TAGAP: variants seen among roughly 807,000 people sequenced by gnomAD.
TAGAP encodes the protein T-cell activation Rho GTPase-activating protein.
Under a neutral mutation model 36.0 loss-of-function variants are expected in TAGAP, and 16 were observed. The observed-to-expected ratio is 0.44, with a 90% CI of 0.30 to 0.68. The LOEUF is 0.68. TAGAP is among the 30% of genes least tolerant of loss of function. The pLI is 0.09. For missense variants in TAGAP, 794 were observed against 921.5 expected (o/e 0.86, Z 1.79); for synonymous variants, 372 against 377.4 (o/e 0.99, Z 0.17).
In TAGAP at chr6:159,036,989, G is replaced by A. The variant is rs1389256068; in HGVS notation, c.1034C>T (p.Ala345Val). Residue 345 changes from alanine to valine, a missense_variant, in exon 10 of 10, where the codon GCG (alanine) becomes GTG (valine). By Grantham distance (64) the Ala-to-Val change is moderately conservative. Coordinates refer to ENST00000367066, the MANE Select transcript of TAGAP (RefSeq NM_054114.5). The surrounding 1 kb of genome is among the most constrained non-coding windows in gnomAD (Gnocchi z 4.9). ...GACCTCTCGGGCATCCTGTGGGCCCGCGCTATCCAAGCCAGCAGCTGTGGC... is the reference window on the plus strand; with the variant it reads ...GACCTCTCGGGCATCCTGTGGGCCCACGCTATCCAAGCCAGCAGCTGTGGC... ...PMATAAGLDS[A>V]GPQDAREVSP... 2.5e-6 allele frequency: 4 copies of A among 1,613,594 alleles called. No homozygotes were observed. Among genetic ancestry groups the A allele is most frequent in the East Asian group, 2.2e-5 (1 of 44,860 alleles).
chr6:159,040,300 A>G (rs1779700648), intron 7 of TAGAP, among the ~76,000 whole-genome samples: 1 of 152,232 alleles, frequency 6.6e-6, no homozygotes, highest in Non-Finnish European at 1.5e-5. Flanking sequence ...GTCTGGCTGC[A>G]TCCTGAGGGA....
chr6:159,042,321 G>A, intron 4 of TAGAP, 77 bp from the exon 5 acceptor site: 5 of 1,540,752 alleles, frequency 3.2e-6, no homozygotes, highest in South Asian at 1.3e-5. Context: ...AAGAAAATGG[G>A]TATCGTTGGC....
chr6:159,044,231 T>C (rs1779857526), intron 1 of TAGAP, 27 bp from the exon 2 acceptor site: 1 of 1,492,916 alleles, frequency 6.7e-7, no homozygotes, highest in Non-Finnish European at 9.1e-7. Flanking sequence ...GGAAAGGAGT[T>C]AGGAGGGACT....
In TAGAP at chr6:159,037,909, C is replaced by T. The variant is rs1370259299; in HGVS notation, c.898+205G>A. 6.6e-6 allele frequency among the ~76,000 whole-genome samples: 1 copy of T among 152,170 alleles called. No individual in the cohort carries two copies. On this transcript the variant is annotated intron_variant, in intron 9 of 9. Coordinates refer to ENST00000367066, the MANE Select transcript of TAGAP (RefSeq NM_054114.5). This position sits in a 1 kb window ranked among gnomAD's most constrained non-coding sequence, Gnocchi z 5.1. ...GATGTACACTGGGAAGGGGGAAAGA[C>T]TATCTGTGGTCTGAGGAGGCGCTGC... is the stretch of plus-strand genomic sequence containing the variant.
In TAGAP at chr6:159,038,018, A is replaced by T. The variant is rs115774479; in HGVS notation, c.898+96T>A. 1.9e-3 allele frequency: 1,464 copies of T among 783,656 alleles called. 15 individuals are homozygous for T. The African/African-American group carries it at 0.022, about 12-fold the overall frequency. The allele number at this position is 783,656 out of a possible 1,614,324, so 48.5% of individuals were successfully genotyped here. A position where few individuals can be genotyped will look rare whatever the true frequency, so the allele number is the denominator to read the frequency against. Reference sequence around the variant, plus strand: ...GTCTGACTCGGTGATTTGTGAAGGTAACTTCTGCCTCAAATATCAGAGATG... The same window carrying T: ...GTCTGACTCGGTGATTTGTGAAGGTTACTTCTGCCTCAAATATCAGAGATG... On this transcript the variant is annotated intron_variant, in intron 9 of 9. Coordinates refer to ENST00000367066, the MANE Select transcript of TAGAP (RefSeq NM_054114.5).
chr6:159,038,309 A>T, intron 8 of TAGAP, 81 bp from the exon 9 acceptor site: 1 of 694,602 alleles, frequency 1.4e-6, no homozygotes. Context: ...AAGAATGGGG[A>T]CACTGGAGTC....
chr6:159,038,268 T>A, intron 8 of TAGAP, 40 bp from the exon 9 acceptor site: 21 of 504,296 alleles, frequency 4.2e-5, no homozygotes, highest in Non-Finnish European at 4.9e-5. Flanking sequence ...TTGAAGACTT[T>A]TTTTTTTTTT....
In TAGAP at chr6:159,042,193, A is replaced by T. The variant is rs772136081; in HGVS notation, c.200T>A (p.Leu67His). ...CCCAGAAAAATCTGATGCAGGGGAG[A>T]GCCTTCTCATGAGAAAGGGCCAGGA... ...VLSWPFLMRR[L>H]SPASDFSGAL... The change falls in exon 5 of 10, where the codon CTC becomes CAC. Residue 67 changes from leucine (L) to histidine (H), a missense_variant. Coordinates refer to ENST00000367066, the MANE Select transcript of TAGAP (RefSeq NM_054114.5). 9 of 1,614,056 alleles carry T rather than the reference A, an allele frequency of 5.6e-6. No homozygotes were observed. In the African/African-American group the frequency reaches 1.1e-4, roughly 19 times the overall value.
At position 159,041,037 on chromosome 6, in the gene TAGAP, T is replaced by G; in HGVS notation, c.478-205A>C. On this transcript the variant is annotated intron_variant, in intron 6 of 9. Coordinates refer to ENST00000367066, the MANE Select transcript of TAGAP (RefSeq NM_054114.5). This position sits in a 1 kb window ranked among gnomAD's most constrained non-coding sequence, Gnocchi z 4.1. ...TGCAACTTTCTAACATCAGGCAGAG[T>G]CAGAGGCACCATCCCCAGGTGGGTG... 3.4e-6 allele frequency: 2 copies of G among 584,974 alleles called. No homozygotes were observed. Among genetic ancestry groups the G allele is most frequent in the Non-Finnish European group, 6.0e-6 (2 of 332,794 alleles). 36.2% of individuals were successfully genotyped at this position (584,974 alleles called of 1,614,324 possible).
Position 159,035,144 on chromosome 6 carries a change from A to G in TAGAP, c.*683T>C, listed in dbSNP as rs1779485690. The G allele has an allele frequency of 6.6e-6, 1 of 152,372 alleles. No individual in the cohort carries two copies. Among genetic ancestry groups the G allele is most frequent in the African/African-American group, 2.4e-5 (1 of 41,460 alleles). The allele number at this position is 152,372 out of a possible 1,614,324, so 9.4% of individuals were successfully genotyped here. ...ATACTCAAAGTGCTATAGATGAGTT[A>G]ATATTGATGTAATACATTTTCATTA... On this transcript the variant is annotated 3_prime_UTR_variant, in exon 10 of 10. Transcript: ENST00000367066.
intron 8 of TAGAP, 150 bp from the exon 9 acceptor site, chr6:159,038,378 G>T (rs993642247): frequency 7.3e-6 from 4 of 545,852 alleles, no homozygotes; most frequent in South Asian, 2.2e-5. Flanking sequence ...ACAGAAATTT[G>T]GTAACAATCA....
intron 8 of TAGAP, chr6:159,038,853 G>T: frequency 7.6e-7 from 1 of 1,316,136 alleles, no homozygotes; most frequent in Non-Finnish European, 9.8e-7. Context: ...AAACAAAAGG[G>T]CTTTTTTATA....
chr6:159,036,161 C>T lies in TAGAP; in HGVS notation c.1862G>A (p.Gly621Glu). ...CTCCAGCATCCTCGCCCTCATGCTC[C>T]CCACCGTCATGCTCCCCACGGTCTG... ...ESQTVGSMTVGSMRARMLEAH... is the reference protein window; with the variant it reads ...ESQTVGSMTVESMRARMLEAH... Residue 621 changes from glycine to glutamate, a missense_variant, in exon 10 of 10, where the codon GGG becomes GAG. Coordinates refer to ENST00000367066, the MANE Select transcript of TAGAP (RefSeq NM_054114.5). The surrounding 1 kb of genome is among the most constrained non-coding windows in gnomAD (Gnocchi z 4.9). 1 of 1,612,576 alleles carries T rather than the reference C, an allele frequency of 6.2e-7. No homozygotes were observed. The highest frequency in any genetic ancestry group is 8.5e-7 in the Non-Finnish European group (1 of 1,179,474).
chr6:159,039,173 G>A lies in TAGAP; in HGVS notation c.724C>T (p.Leu242Phe), dbSNP rs768423624. The A allele has an allele frequency of 3.1e-6, 5 of 1,614,176 alleles. No individual in the cohort carries two copies. The highest frequency in any genetic ancestry group is 1.1e-5 in the South Asian group (1 of 91,086). Residue 242 changes from leucine to phenylalanine, a missense_variant, in exon 8 of 10, where the codon CTC (leucine) becomes TTC (phenylalanine). Transcript: ENST00000367066. ...NLAICIGPNM[L>F]TLENDQSLSF... ...AGGCTCTGGTCATTCTCCAGGGTGA[G>A]CATGTTGGGTCCAATGCAGATGGCC...
At position 159,034,718 on chromosome 6, in the gene TAGAP, A is replaced by G. The variant is rs1779468077; in HGVS notation, c.*1109T>C. Reference sequence around the variant, plus strand: ...AGAAATGAGAAATTTTACATTTGTTATATTATCCTGTATTTGTGTACTACA... The same window carrying G: ...AGAAATGAGAAATTTTACATTTGTTGTATTATCCTGTATTTGTGTACTACA... On this transcript the variant is annotated 3_prime_UTR_variant, in exon 10 of 10. Coordinates refer to ENST00000367066, the MANE Select transcript of TAGAP (RefSeq NM_054114.5). 6.6e-6 allele frequency: 1 copy of G among 152,154 alleles called. No homozygotes were observed. Among genetic ancestry groups the G allele is most frequent in the African/African-American group, 2.4e-5 (1 of 41,442 alleles). The allele number at this position is 152,154 out of a possible 1,614,324, so 9.4% of individuals were successfully genotyped here.
rs772269720 is a variant in TAGAP, at chr6:159,039,199, AGATT to A, written c.694_697del (p.Asn232TrpfsTer26). On this transcript the variant is annotated frameshift_variant, in exon 8 of 10. Coordinates refer to ENST00000367066, the MANE Select transcript of TAGAP (RefSeq NM_054114.5). LOFTEE classifies it high-confidence loss of function. ...CATGTTGGGTCCAATGCAGATGGCCAGATTGCTGGAGTCCATCCTGTTCACCTCA... is the reference window on the plus strand; with the variant it reads ...CATGTTGGGTCCAATGCAGATGGCCAGCTGGAGTCCATCCTGTTCACCTCA... The A allele has an allele frequency of 6.2e-7, 1 of 1,614,196 alleles. No individual in the cohort carries two copies.
intron 8 of TAGAP, chr6:159,038,906 C>T (rs1017671924): frequency 5.6e-6 from 8 of 1,418,228 alleles, no homozygotes; most frequent in Admixed American, 2.8e-5. Context: ...TCATCTGTCT[C>T]ACAGATGACA....
In TAGAP at chr6:159,037,025, T is replaced by A. The variant is rs751021592; in HGVS notation, c.998A>T (p.Gln333Leu). Residue 333 changes from glutamine (Q) to leucine (L), a missense_variant, in exon 10 of 10, where the codon CAG becomes CTG. Physicochemically the swap from Gln to Leu is moderately radical, Grantham distance 113 (BLOSUM62 -2). Coordinates refer to ENST00000367066, the MANE Select transcript of TAGAP (RefSeq NM_054114.5). This position sits in a 1 kb window ranked among gnomAD's most constrained non-coding sequence, Gnocchi z 5.1. ...SGISSPSRQP[Q>L]VPMATAAGLD... ...GCCAGCAGCTGTGGCCATGGGCACC[T>A]GGGGCTGCCTGCTGGGAGAGCTGAT... The A allele has an allele frequency of 6.2e-7, 1 of 1,613,696 alleles. No individual in the cohort carries two copies. Among genetic ancestry groups the A allele is most frequent in the South Asian group, 1.1e-5 (1 of 91,078 alleles).
Position 159,044,117 on chromosome 6 carries a change from C to T in TAGAP, c.27+3G>A. 6.2e-7 allele frequency: 1 copy of T among 1,613,990 alleles called. No individual in the cohort carries two copies. The highest frequency in any genetic ancestry group is 1.1e-5 in the South Asian group (1 of 90,976). On this transcript the variant is annotated splice_donor_region_variant and intron_variant, in intron 2 of 9. Transcript: ENST00000367066. ...AATGAATGAATGTGAGAGGGGCACT[C>T]ACAGCATTGTGGCTGCTTCTCAGCT... is the stretch of plus-strand genomic sequence containing the variant.
Sources: allele counts gnomAD v4.1 joint callset (sites outside exome capture counted in the v4.1 genomes callset), GRCh38; gene constraint gnomAD v4.1.1; non-coding constraint Gnocchi (gnomAD v3.1); transcripts MANE v1.5; gene names NCBI Gene and HGNC (gene_info 2026-07-23, HGNC 2026-07-21).